The following CACNA1I variants were observed in gnomAD, a reference collection of about 807,000 sequenced individuals.
CACNA1I encodes the protein voltage-dependent T-type calcium channel subunit alpha-1I.
Under a neutral mutation model 201.6 loss-of-function variants are expected in CACNA1I, and 74 were observed. The observed-to-expected ratio is 0.37, with a 90% confidence interval of 0.30 to 0.45. CACNA1I has a LOEUF of 0.45. Ranked by LOEUF, CACNA1I falls within the 20% of genes least tolerant of loss-of-function variation. CACNA1I has a pLI of 1.00. For synonymous variants in CACNA1I, 1,431 were observed against 1,345.2 expected (o/e 1.06, Z -1.40); for missense variants, 2,346 against 3,138.1 (o/e 0.75, Z 6.03).
In CACNA1I at chr22:39,666,059, G is replaced by C; in HGVS notation, c.4104+53G>C. The stretch of plus-strand genomic sequence containing the variant: ...AGACCCTCCCCTCTCTTGGATGCCA[G>C]TGGCTCTGGGAATCACAGACCTGGC... On this transcript the variant is annotated intron_variant, in intron 23 of 36. Transcript: ENST00000402142. The surrounding 1 kb of genome is among the most constrained non-coding windows in gnomAD (Gnocchi z 4.1). 3 of 1,576,960 alleles carry C rather than the reference G, an allele frequency of 1.9e-6. No homozygotes were observed. Among genetic ancestry groups the C allele is most frequent in the Non-Finnish European group, 2.6e-6 (3 of 1,159,324 alleles).
intron 1 of CACNA1I, among the ~76,000 whole-genome samples, chr22:39,586,990 A>G (rs1166916155): frequency 6.6e-6 from 1 of 152,162 alleles, no homozygotes; most frequent in Non-Finnish European, 1.5e-5. Context: ...CCTGGCCCCC[A>G]GGGACCTGCC....
intron 1 of CACNA1I, among the ~76,000 whole-genome samples, chr22:39,591,852 G>T (rs932665662): frequency 6.6e-6 from 1 of 152,236 alleles, no homozygotes; most frequent in African/African-American, 2.4e-5. Flanking sequence ...AAGCCACCGC[G>T]CTTGGCCATG....
chr22:39,634,467 C>G, intron 4 of CACNA1I, 98 bp from the exon 5 acceptor site: 2 of 1,155,784 alleles, frequency 1.7e-6, no homozygotes, highest in Non-Finnish European at 2.6e-6. Flanking sequence ...ATAATGCATC[C>G]CCCTCCCCCT....
chr22:39,624,478 C>T (rs962427276), intron 4 of CACNA1I, among the ~76,000 whole-genome samples: 1 of 152,190 alleles, frequency 6.6e-6, no homozygotes, highest in African/African-American at 2.4e-5. Flanking sequence ...GGGGGAGTGT[C>T]GGCTTCCCGC....
At position 39,665,304 on chromosome 22, in the gene CACNA1I, T is replaced by C. The variant is rs1420961447; in HGVS notation, c.3852-194T>C. 6.6e-6 allele frequency among the ~76,000 whole-genome samples: 1 copy of C among 152,128 alleles called. No individual in the cohort carries two copies. The highest frequency in any genetic ancestry group is 1.5e-5 in the Non-Finnish European group (1 of 67,998). On this transcript the variant is annotated intron_variant, in intron 21 of 36. Transcript: ENST00000402142. This position sits in a 1 kb window ranked among gnomAD's most constrained non-coding sequence, Gnocchi z 5.5. ...CCTGGGTGCAGCTTGCCTCCTGCTC[T>C]GCCCGTGTCTGGGCTGCCTGGCCAC...
chr22:39,679,391 C>G lies in CACNA1I; in HGVS notation c.5340C>G (p.Gly1780=). ...GAPGRGPGGA[G]GGGDTEGGLC... ...CTGGCCGAGGGCCGGGAGGGGCGGG[C>G]GGCGGGGGCGACACCGAGGGCGGCT... The change falls in exon 32 of 37, where the codon GGC becomes GGG. Residue 1780 remains glycine (G), a synonymous_variant. Transcript: ENST00000402142. The G allele has an allele frequency of 1.3e-6, 2 of 1,487,256 alleles. No homozygotes were observed. Among genetic ancestry groups the G allele is most frequent in the South Asian group, 1.3e-5 (1 of 75,628 alleles). The allele number at this position is 1,487,256 out of a possible 1,614,324, so 92.1% of individuals were successfully genotyped here.
chr22:39,608,724 G>A (rs985398672), intron 3 of CACNA1I, among the ~76,000 whole-genome samples: 27 of 152,180 alleles, frequency 1.8e-4, no homozygotes, highest in Non-Finnish European at 3.5e-4. Flanking sequence ...GGAGGCTGAG[G>A]TGGGAGGATT....
intron 15 of CACNA1I, among the ~76,000 whole-genome samples, 161 bp from the exon 16 acceptor site, chr22:39,660,947 G>C (rs956035751): frequency 2.6e-5 from 4 of 152,150 alleles, no homozygotes; most frequent in African/African-American, 9.7e-5. Flanking sequence ...GGGAGGCACT[G>C]TGATGGGGTG....
intron 3 of CACNA1I, among the ~76,000 whole-genome samples, chr22:39,617,286 C>A (rs1239462867): frequency 2.6e-5 from 4 of 152,180 alleles, no homozygotes; most frequent in Non-Finnish European, 5.9e-5. Context: ...GCCCTCTGGG[C>A]TCTGGGAAGG....
intron 2 of CACNA1I, 53 bp downstream of exon 2, chr22:39,598,315 G>A: frequency 1.4e-6 from 1 of 734,552 alleles, no homozygotes; most frequent in South Asian, 1.6e-5. Context: ...CCAGGACCCG[G>A]CCTATGCCCC....
At chr22:39,653,123 G>A (rs977402962) in intron 10 of CACNA1I, among the ~76,000 whole-genome samples, 1 of 96,146 alleles carries the variant, frequency 1.0e-5, no homozygotes, top group African/African-American at 1.0e-4. Flanking sequence ...CTGCATTGTG[G>A]GTGCACGGAG....
chr22:39,665,389 T>G lies in CACNA1I; in HGVS notation c.3852-109T>G. 1.5e-6 allele frequency: 2 copies of G among 1,337,484 alleles called. No individual in the cohort carries two copies. Among genetic ancestry groups the G allele is most frequent in the Non-Finnish European group, 2.1e-6 (2 of 969,544 alleles). 82.9% of individuals were successfully genotyped at this position (1,337,484 alleles called of 1,614,324 possible). Reference sequence around the variant, plus strand: ...CAGGGTGTTCAGCCCTGGTGAGCCCTGGGGACTCATGCCCTGGGATACTCA... The same window carrying G: ...CAGGGTGTTCAGCCCTGGTGAGCCCGGGGGACTCATGCCCTGGGATACTCA... On this transcript the variant is annotated intron_variant, in intron 21 of 36. Transcript: ENST00000402142. The surrounding 1 kb of genome is among the most constrained non-coding windows in gnomAD (Gnocchi z 5.5).
At chr22:39,616,808 C>G (rs1344727259) in intron 3 of CACNA1I, among the ~76,000 whole-genome samples, 2 of 151,244 alleles carry the variant, frequency 1.3e-5, no homozygotes, top group African/African-American at 4.9e-5. Context: ...AGAAAACACT[C>G]TTTGTCATCA....
chr22:39,571,930 AT>A (rs145408388), intron 1 of CACNA1I, among the ~76,000 whole-genome samples: 6,144 of 152,318 alleles, frequency 0.04, 187 homozygotes, highest in Non-Finnish European at 0.06. Context: ...TACATGGGCA[AT>A]GCCAGAGCTG....
intron 10 of CACNA1I, among the ~76,000 whole-genome samples, chr22:39,654,038 T>A (rs963593164): frequency 2.0e-5 from 3 of 152,198 alleles, no homozygotes; most frequent in African/African-American, 7.2e-5. Flanking sequence ...TCCTTCATCA[T>A]CACCGCCATC....
intron 1 of CACNA1I, among the ~76,000 whole-genome samples, chr22:39,574,304 T>C (rs1932274961): frequency 3.3e-5 from 5 of 152,190 alleles, no homozygotes; most frequent in Admixed American, 3.3e-4. Context: ...CTGGACCCGG[T>C]GGCTGCAGCC....
In CACNA1I at chr22:39,685,915, C is replaced by A; in HGVS notation, c.6182C>A (p.Pro2061His). 7.6e-7 allele frequency: 1 copy of A among 1,319,796 alleles called. No homozygotes were observed. The highest frequency in any genetic ancestry group is 9.6e-7 in the Non-Finnish European group (1 of 1,045,202). 81.8% of individuals were successfully genotyped at this position (1,319,796 alleles called of 1,614,324 possible). ...CCAGGACCCCGGGCCGGCCTGTCCC[C>A]CGCCGCTCGCCGCCGCCTGAGCCTG... Reference protein sequence around the residue: ...PAPGPRAGLSPAARRRLSLRG... With the variant: ...PAPGPRAGLSHAARRRLSLRG... The change falls in exon 37 of 37, where the codon CCC becomes CAC. Residue 2061 changes from proline (P) to histidine (H), a missense_variant. Coordinates refer to ENST00000402142, the MANE Select transcript of CACNA1I (RefSeq NM_021096.4). This position sits in a 1 kb window ranked among gnomAD's most constrained non-coding sequence, Gnocchi z 5.0.
Position 39,599,966 on chromosome 22 carries a change from C to G in CACNA1I, c.349-554C>G, listed in dbSNP as rs556905041. Among the ~76,000 whole-genome samples the G allele has an allele frequency of 3.3e-5, 5 of 152,368 alleles. No homozygotes were observed. In the South Asian group the frequency reaches 1.0e-3, roughly 32 times the overall value. ...GGGCAGAGAAAGGCAACACTGAGGCCTGTGCCTGGGGGCTACTTTGAGACA... is the reference window on the plus strand; with the variant it reads ...GGGCAGAGAAAGGCAACACTGAGGCGTGTGCCTGGGGGCTACTTTGAGACA... On this transcript the variant is annotated intron_variant, in intron 2 of 36. Coordinates refer to ENST00000402142, the MANE Select transcript of CACNA1I (RefSeq NM_021096.4).
At chr22:39,595,578 TCTTGCCATTG>T (rs1324844918) in intron 1 of CACNA1I, among the ~76,000 whole-genome samples, 1 of 151,176 alleles carries the variant, frequency 6.6e-6, no homozygotes, top group African/African-American at 2.4e-5. Context: ...TGAGCTGGGA[TCTTGCCATTG>T]CACTCCAGCC....
Sources: gnomAD v4.1 joint callset for allele counts (sites outside exome capture counted in the v4.1 genomes callset) on GRCh38, gnomAD v4.1.1 for gene constraint, Gnocchi (gnomAD v3.1) non-coding constraint, MANE v1.5 for transcripts, NCBI Gene and HGNC (gene_info 2026-07-23, HGNC 2026-07-21) for gene names.